NTM: variants seen among roughly 807,000 people sequenced by gnomAD.
The protein encoded by NTM is neurotrimin, also known as IgLON family member 2.
Under a neutral mutation model 42.1 loss-of-function variants are expected in NTM, and 13 were observed. The observed-to-expected ratio is 0.31, with a 90% CI of 0.20 to 0.49. NTM has a LOEUF of 0.49. NTM is among the 20% of genes least tolerant of loss of function. The probability of loss-of-function intolerance (pLI) is 0.99; values close to 1 mark genes in which losing one functional copy is unlikely to be tolerated. For missense variants in NTM, 373 were observed against 452.8 expected (o/e 0.82, Z 1.60); for synonymous variants, 187 against 179.2 (o/e 1.04, Z -0.35).
chr11:131,894,452 G>A (rs2051911201), intron 1 of NTM, among the ~76,000 whole-genome samples: 1 of 152,206 alleles, frequency 6.6e-6, no homozygotes, highest in Non-Finnish European at 1.5e-5. Context: ...TAAACTATGT[G>A]TATGGCAGCT....
chr11:131,523,673 C>T (rs1045662232), intron 1 of NTM, among the ~76,000 whole-genome samples: 5 of 150,280 alleles, frequency 3.3e-5, no homozygotes, highest in Admixed American at 6.7e-5. Context: ...TCTGTAATAC[C>T]AGCTACTCAG....
intron 3 of NTM, among the ~76,000 whole-genome samples, chr11:132,148,731 A>G (rs1264694261): frequency 1.3e-5 from 2 of 152,206 alleles, no homozygotes; most frequent in African/African-American, 4.8e-5. Flanking sequence ...ATAAATGCTT[A>G]TTGAAGCAAA....
At chr11:131,486,206 C>T (rs1012840284) in intron 1 of NTM, among the ~76,000 whole-genome samples, 5 of 152,112 alleles carry the variant, frequency 3.3e-5, no homozygotes, top group Admixed American at 1.3e-4. Flanking sequence ...AAGACAAACA[C>T]GGGACTCTAT....
At chr11:132,098,519 A>G (rs1431784284) in intron 2 of NTM, among the ~76,000 whole-genome samples, 1 of 152,120 alleles carries the variant, frequency 6.6e-6, no homozygotes, top group Non-Finnish European at 1.5e-5. Context: ...GAATGACGAG[A>G]CTAATGCTCT....
intron 1 of NTM, among the ~76,000 whole-genome samples, chr11:131,375,387 C>T (rs900544073): frequency 6.6e-6 from 1 of 152,098 alleles, no homozygotes; most frequent in Admixed American, 6.5e-5. Context: ...ATTTGAAATT[C>T]AATAAAACCA....
chr11:131,864,381 T>C (rs901965926), intron 1 of NTM, among the ~76,000 whole-genome samples: 5 of 152,148 alleles, frequency 3.3e-5, no homozygotes, highest in African/African-American at 4.8e-5. Context: ...ATAGGCAGGA[T>C]TGGTCCAGGA....
intron 1 of NTM, among the ~76,000 whole-genome samples, chr11:131,786,774 A>G (rs2089304374): frequency 6.6e-6 from 1 of 152,212 alleles, no homozygotes; most frequent in African/African-American, 2.4e-5. Flanking sequence ...CCCATCATCA[A>G]CACTGGTTAG....
intron 1 of NTM, among the ~76,000 whole-genome samples, chr11:131,573,196 A>G (rs527957524): frequency 2.0e-5 from 3 of 152,266 alleles, no homozygotes; most frequent in South Asian, 2.1e-4. Flanking sequence ...GTCATCTTCT[A>G]TCATTCCTAG....
chr11:131,697,794 G>A (rs1047898735), intron 1 of NTM, among the ~76,000 whole-genome samples: 2 of 152,146 alleles, frequency 1.3e-5, no homozygotes, highest in Non-Finnish European at 2.9e-5. Flanking sequence ...ATCCACAGGA[G>A]CCTAAGAAGG....
chr11:132,048,271 C>A (rs2078299767), intron 2 of NTM, among the ~76,000 whole-genome samples: 1 of 152,154 alleles, frequency 6.6e-6, no homozygotes, highest in Non-Finnish European at 1.5e-5. Flanking sequence ...CTCCTCCCTC[C>A]CTTCAGCGGC....
Position 131,632,673 on chromosome 11 carries a change from C to CTTTTTTTTTTTTTT in NTM, c.82+261791_82+261804dup, listed in dbSNP as rs529612626. On this transcript the variant is annotated intron_variant, in intron 1 of 8. Coordinates refer to ENST00000683400, the MANE Select transcript of NTM (RefSeq NM_001352005.2). The stretch of plus-strand genomic sequence containing the variant: ...TTTCATCTTGGTCATGCTCGGGCAG[C>CTTTTTTTTTTTTTT]TTTTTTTTTTTTTTTTTTTGAGACG... Among the ~76,000 whole-genome samples, 22 of 83,090 alleles carry CTTTTTTTTTTTTTT rather than the reference C, an allele frequency of 2.6e-4. 2 individuals are homozygous for CTTTTTTTTTTTTTT. Among genetic ancestry groups the CTTTTTTTTTTTTTT allele is most frequent in the African/African-American group, 4.5e-4 (9 of 20,130 alleles). 54.5% of individuals were successfully genotyped at this position (83,090 alleles called of 152,430 possible). A position where few individuals can be genotyped will look rare whatever the true frequency, so the allele number is the denominator to read the frequency against.
chr11:132,028,603 A>T (rs2075507704), intron 2 of NTM, among the ~76,000 whole-genome samples: 1 of 152,116 alleles, frequency 6.6e-6, no homozygotes, highest in African/African-American at 2.4e-5. Context: ...AGTAGGCCTC[A>T]GTATTTTACT....
chr11:132,036,885 A>G (rs117047428), intron 2 of NTM, among the ~76,000 whole-genome samples: 1 of 152,118 alleles, frequency 6.6e-6, no homozygotes, highest in African/African-American at 2.4e-5. Flanking sequence ...GTGTCTTGCT[A>G]TTAGAAAGTG....
At chr11:132,159,642 C>T (rs531282151) in intron 3 of NTM, among the ~76,000 whole-genome samples, 10 of 152,212 alleles carry the variant, frequency 6.6e-5, no homozygotes, top group African/African-American at 1.9e-4. Context: ...ATACCAAAAC[C>T]GGAGTTATCA....
chr11:132,120,817 T>A (rs1283499319), intron 2 of NTM, among the ~76,000 whole-genome samples: 1 of 152,138 alleles, frequency 6.6e-6, no homozygotes, highest in Non-Finnish European at 1.5e-5. Flanking sequence ...AGTTTATTTG[T>A]CGTCTGAACC....
intron 1 of NTM, among the ~76,000 whole-genome samples, chr11:131,564,907 C>T (rs535775385): frequency 2.0e-5 from 3 of 152,194 alleles, no homozygotes; most frequent in Admixed American, 1.3e-4. Flanking sequence ...TGAAGCCCTT[C>T]GCTTCCTCTA....
At chr11:131,974,992 C>T (rs1190602544) in intron 2 of NTM, among the ~76,000 whole-genome samples, 1 of 152,128 alleles carries the variant, frequency 6.6e-6, no homozygotes, top group Non-Finnish European at 1.5e-5. Flanking sequence ...TTTGCAAAAA[C>T]CTTCAGTAGA....
At chr11:132,174,359 A>G (rs2076498642) in intron 3 of NTM, among the ~76,000 whole-genome samples, 1 of 152,234 alleles carries the variant, frequency 6.6e-6, no homozygotes, top group African/African-American at 2.4e-5. Flanking sequence ...AACTGCTTCT[A>G]TAAACTAATG....
At chr11:131,396,644 G>T (rs1332660590) in intron 1 of NTM, among the ~76,000 whole-genome samples, 3 of 152,044 alleles carry the variant, frequency 2.0e-5, no homozygotes, top group Non-Finnish European at 4.4e-5. Context: ...GACCAACCGG[G>T]CTAAGATGGT....
Sources: gnomAD v4.1 joint callset for allele counts (sites outside exome capture counted in the v4.1 genomes callset) on GRCh38, gnomAD v4.1.1 for gene constraint, MANE v1.5 for transcripts, NCBI Gene and HGNC (gene_info 2026-07-23, HGNC 2026-07-21) for gene names.